The following EFCAB13 variants were observed in gnomAD, a reference collection of about 807,000 sequenced individuals.
The protein encoded by EFCAB13 is EF-hand calcium binding domain 13.
Under a neutral mutation model 110.2 loss-of-function variants are expected in EFCAB13, and 91 were observed. The observed-to-expected ratio is 0.83, with a 90% CI of 0.70 to 0.98. The LOEUF is 0.98. EFCAB13 is among the 50% of genes least tolerant of loss of function. The pLI is 0.00. For synonymous variants in EFCAB13, 323 were observed against 369.9 expected, an observed-to-expected ratio of 0.87 and a Z score of 1.45; for missense variants, 968 against 1,119.4, an observed-to-expected ratio of 0.86 and a Z score of 1.93.
At chr17:47,380,660 C>A (rs868052191) in intron 14 of EFCAB13, among the ~76,000 whole-genome samples, 25 of 152,178 alleles carry the variant, frequency 1.6e-4, no homozygotes, top group Admixed American at 6.5e-4. Context: ...CGCCACACTT[C>A]TTCCACAATG....
rs984610910 is a variant in EFCAB13 at position 47,370,261 on chromosome 17, T to C, written c.806-176T>C. Among the ~76,000 whole-genome samples the C allele has an allele frequency of 3.3e-5, 5 of 152,222 alleles. 1 individual carries two copies. Among genetic ancestry groups the C allele is most frequent in the South Asian group, 4.1e-4 (2 of 4,828 alleles). On this transcript the variant is annotated intron_variant, in intron 10 of 24. Transcript: ENST00000331493. ...AGAAAAGACCATGGTCTTACTCTTA[T>C]GTTGGGCGTGTACTGAGTTATTAAT... is the stretch of plus-strand genomic sequence containing the variant.
chr17:47,345,080 C>G lies in EFCAB13; in HGVS notation c.499C>G (p.His167Asp), dbSNP rs144149515. Residue 167 changes from histidine to aspartate, a missense_variant, in exon 8 of 25, where the codon CAC becomes GAC. Physicochemically the swap from His to Asp is moderately conservative, Grantham distance 81 (BLOSUM62 -1). Transcript: ENST00000331493. ...LYDEVTHGYLHSKELSALHKA... is the reference protein window; with the variant it reads ...LYDEVTHGYLDSKELSALHKA... ...TGATGAAGTAACCCATGGATATTTA[C>G]ACTCAAAAGAATTAAGTGGTAATAA... 1,847 of 1,602,540 alleles carry G rather than the reference C, an allele frequency of 1.2e-3. 3 individuals carry two copies. Among genetic ancestry groups the G allele is most frequent in the Non-Finnish European group, 1.4e-3 (1,681 of 1,174,246 alleles).
At chr17:47,377,083 G>A (rs2065619634) in intron 12 of EFCAB13, among the ~76,000 whole-genome samples, 1 of 152,106 alleles carries the variant, frequency 6.6e-6, no homozygotes, top group Non-Finnish European at 1.5e-5. Flanking sequence ...ATGGGAGGGT[G>A]AAGAACTCTA....
At chr17:47,357,690 C>T (rs1373320565) in intron 9 of EFCAB13, among the ~76,000 whole-genome samples, 1 of 152,238 alleles carries the variant, frequency 6.6e-6, no homozygotes, top group Admixed American at 6.5e-5. Context: ...TCTGGGATTA[C>T]AGGCGTGAGC....
chr17:47,391,540 G>T lies in EFCAB13; in HGVS notation c.1686G>T (p.Lys562Asn), dbSNP rs2065707828. 6.3e-7 allele frequency: 1 copy of T among 1,592,650 alleles called. No individual in the cohort carries two copies. Among genetic ancestry groups the T allele is most frequent in the Non-Finnish European group, 8.5e-7 (1 of 1,172,350 alleles). Residue 562 changes from lysine (K) to asparagine (N), a missense_variant, in exon 15 of 25, where the codon AAG becomes AAT. Physicochemically the swap from Lys to Asn is moderately conservative, Grantham distance 94. Coordinates refer to ENST00000331493, the MANE Select transcript of EFCAB13 (RefSeq NM_152347.5). Reference protein sequence around the residue: ...CLQNFGIYLSKPEFKKITELT... With the variant: ...CLQNFGIYLSNPEFKKITELT... ...AAAATTTTGGTATTTACCTTTCTAA[G>T]CCAGAATTTAAGAAGATCACAGAAC... is the stretch of plus-strand genomic sequence containing the variant.
rs1317415492 is a variant in EFCAB13 at position 47,379,219 on chromosome 17, T to C, written c.1548T>C (p.Ala516=). 4 of 1,613,476 alleles carry C rather than the reference T, an allele frequency of 2.5e-6. No individual in the cohort carries two copies. In the African/African-American group the frequency reaches 4.0e-5, roughly 16 times the overall value. Residue 516 remains alanine (A), a synonymous_variant, in exon 14 of 25, where the codon GCT becomes GCC. Transcript: ENST00000331493. ...TGGAGTTAGATGACTTTGTAAATGC[T>C]CTCGCCAAGGAGCGAAGTTTTCCTG... ...GMVELDDFVN[A]LAKERSFPEC... is the part of the protein sequence containing the mutation.
At chr17:47,370,388 A>G (rs1567790134) in intron 10 of EFCAB13, 49 bp from the exon 11 acceptor site, 8 of 1,233,906 alleles carry the variant, frequency 6.5e-6, no homozygotes, top group Non-Finnish European at 9.6e-6. Flanking sequence ...GATGGCAGAT[A>G]TATCTATGTT....
chr17:47,424,421 G>A (rs901913237), intron 23 of EFCAB13, among the ~76,000 whole-genome samples: 16 of 152,198 alleles, frequency 1.1e-4, no homozygotes, highest in Admixed American at 9.2e-4. Flanking sequence ...CAGCCCAGAA[G>A]GAGAACTCAC....
At chr17:47,397,711 C>G (rs1195768069) in intron 17 of EFCAB13, among the ~76,000 whole-genome samples, 3 of 151,666 alleles carry the variant, frequency 2.0e-5, no homozygotes, top group Non-Finnish European at 2.9e-5. Flanking sequence ...GCGACCCCAT[C>G]TGGGAGGTGA....
At chr17:47,416,256 C>T (rs890544475) in intron 23 of EFCAB13, among the ~76,000 whole-genome samples, 11 of 152,110 alleles carry the variant, frequency 7.2e-5, no homozygotes, top group African/African-American at 2.7e-4. Context: ...CCGAAAGAAA[C>T]TCTGTACCTG....
chr17:47,350,307 A>G (rs1331212509), intron 9 of EFCAB13, among the ~76,000 whole-genome samples: 1 of 152,190 alleles, frequency 6.6e-6, no homozygotes, highest in Non-Finnish European at 1.5e-5. Context: ...CAAACATTCT[A>G]TCTCTGATCT....
chr17:47,331,321 G>C (rs1294217425), intron 4 of EFCAB13, among the ~76,000 whole-genome samples: 1 of 151,806 alleles, frequency 6.6e-6, no homozygotes, highest in East Asian at 1.9e-4. Context: ...TTTGCTCTTG[G>C]GGTCATAGTC....
chr17:47,364,349 C>T (rs11869439), intron 10 of EFCAB13, among the ~76,000 whole-genome samples: 1 of 152,158 alleles, frequency 6.6e-6, no homozygotes, highest in East Asian at 1.9e-4. Flanking sequence ...TAACTCCACT[C>T]TGTCGCCAGA....
rs1470848884 is a variant in EFCAB13, at chr17:47,391,515, A to G, written c.1661A>G (p.Gln554Arg). Reference protein sequence around the residue: ...VDYEDLNTCLQNFGIYLSKPE... With the variant: ...VDYEDLNTCLRNFGIYLSKPE... ...TATGAGGATCTAAATACTTGTCTTC[A>G]AAATTTTGGTATTTACCTTTCTAAG... Residue 554 changes from glutamine to arginine, a missense_variant, in exon 15 of 25, where the codon CAA becomes CGA. Coordinates refer to ENST00000331493, the MANE Select transcript of EFCAB13 (RefSeq NM_152347.5). 4.4e-6 allele frequency: 7 copies of G among 1,595,236 alleles called. No individual in the cohort carries two copies. The African/African-American group carries it at 6.8e-5, about 15-fold the overall frequency.
chr17:47,355,570 AT>A (rs71365066), intron 9 of EFCAB13, among the ~76,000 whole-genome samples: 5,851 of 120,284 alleles, frequency 0.049, 112 homozygotes, highest in East Asian at 0.15. Context: ...GGCTTTGTTC[AT>A]TTTTTTTTTT....
chr17:47,356,655 C>G (rs887600790), intron 9 of EFCAB13, among the ~76,000 whole-genome samples: 3 of 152,124 alleles, frequency 2.0e-5, no homozygotes, highest in Non-Finnish European at 4.4e-5. Context: ...CTATTAGGGT[C>G]CTTGGTTGTA....
intron 13 of EFCAB13, among the ~76,000 whole-genome samples, chr17:47,378,200 A>G (rs2065626944): frequency 6.6e-6 from 1 of 152,198 alleles, no homozygotes; most frequent in Admixed American, 6.5e-5. Flanking sequence ...ATCCAGTTGT[A>G]GCGAGGTTCA....
intron 5 of EFCAB13, among the ~76,000 whole-genome samples, chr17:47,337,005 A>G (rs987773901): frequency 6.6e-6 from 1 of 152,226 alleles, no homozygotes; most frequent in African/African-American, 2.4e-5. Flanking sequence ...TTGGAGAGGC[A>G]CCTAAATAAA....
chr17:47,397,565 A>C (rs2143429281), intron 17 of EFCAB13, among the ~76,000 whole-genome samples: 1 of 150,548 alleles, frequency 6.6e-6, no homozygotes. Context: ...CTAGGAAGTG[A>C]GGAGCGCCTC....
Sources: gnomAD v4.1 joint callset for allele counts (sites outside exome capture counted in the v4.1 genomes callset) on GRCh38, gnomAD v4.1.1 for gene constraint, MANE v1.5 for transcripts, NCBI Gene and HGNC (gene_info 2026-07-23, HGNC 2026-07-21) for gene names.